RERE: variants seen among roughly 807,000 people sequenced by gnomAD.
RERE encodes arginine-glutamic acid dipeptide repeats protein.
RERE carries 40 observed loss-of-function variants against 146.1 expected under a neutral mutation model. That is an observed-to-expected ratio of 0.27 (90% CI 0.21 to 0.36). RERE has a LOEUF of 0.36. RERE is among the 10% of genes least tolerant of loss of function. The pLI, the probability that RERE is intolerant of heterozygous loss-of-function variation, is 1.00. For missense variants in RERE, 1,933 were observed against 2,138.7 expected (o/e 0.90, Z 1.90); for synonymous variants, 1,003 against 866.0 (o/e 1.16, Z -2.78).
At chr1:8,582,938 T>C (rs888983310) in intron 4 of RERE, among the ~76,000 whole-genome samples, 1 of 152,180 alleles carries the variant, frequency 6.6e-6, no homozygotes, top group Non-Finnish European at 1.5e-5. Flanking sequence ...AAAACTTACA[T>C]GCTTGTACCT....
At chr1:8,397,346 G>A (rs912857459) in intron 12 of RERE, among the ~76,000 whole-genome samples, 6 of 152,236 alleles carry the variant, frequency 3.9e-5, no homozygotes, top group African/African-American at 1.4e-4. Flanking sequence ...TGCCTTATTC[G>A]ACTTTCACTA....
intron 1 of RERE, among the ~76,000 whole-genome samples, chr1:8,657,696 A>T (rs1247144438): frequency 6.6e-6 from 1 of 151,984 alleles, no homozygotes; most frequent in Admixed American, 6.6e-5. Flanking sequence ...AACACACAAA[A>T]AGTAGCTGGG....
At chr1:8,762,560 C>T (rs891997011) in intron 1 of RERE, among the ~76,000 whole-genome samples, 2 of 151,904 alleles carry the variant, frequency 1.3e-5, no homozygotes, top group Admixed American at 1.3e-4. Context: ...TATTTGAAGA[C>T]AAAAAAAGTA....
chr1:8,561,733 AT>A (rs1430568698), intron 4 of RERE, among the ~76,000 whole-genome samples: 2 of 152,248 alleles, frequency 1.3e-5, no homozygotes, highest in African/African-American at 4.8e-5. Context: ...GGCCACTGCT[AT>A]AATACTGAGG....
At chr1:8,669,024 C>CTGTGTGTGTGTGTGTGTGTGTGTG (rs59647434) in intron 1 of RERE, among the ~76,000 whole-genome samples, 8 of 43,840 alleles carry the variant, frequency 1.8e-4, no homozygotes, top group African/African-American at 2.7e-4. Context: ...GCACTCAACT[C>CTGTGTGTGTGTGTGTGTGTGTGTG]TGTGTGTGTG....
chr1:8,502,648 C>T (rs983818779), intron 8 of RERE, among the ~76,000 whole-genome samples: 2 of 149,236 alleles, frequency 1.3e-5, no homozygotes, highest in South Asian at 2.1e-4. Flanking sequence ...AATAGAAAGG[C>T]GGGAAGGGTG....
chr1:8,744,040 T>C (rs531844687), intron 1 of RERE, among the ~76,000 whole-genome samples: 2 of 152,260 alleles, frequency 1.3e-5, no homozygotes, highest in East Asian at 1.9e-4. Context: ...TAAATAGTGG[T>C]TGAATGAAAG....
In RERE at chr1:8,494,516, G is replaced by A. The variant is rs186761349; in HGVS notation, c.1104+547C>T. 6.0e-4 allele frequency among the ~76,000 whole-genome samples: 92 copies of A among 152,262 alleles called. 1 individual carries two copies. Among genetic ancestry groups the A allele is most frequent in the Admixed American group, 5.7e-3 (87 of 15,278 alleles). ...TCGAGGTGGGAGGATCACAAGGTCAGGAGATTGAGATCATCCTGGCTAACA... is the reference window on the plus strand; with the variant it reads ...TCGAGGTGGGAGGATCACAAGGTCAAGAGATTGAGATCATCCTGGCTAACA... On this transcript the variant is annotated intron_variant, in intron 10 of 22. Coordinates refer to ENST00000400908, the MANE Select transcript of RERE (RefSeq NM_001042681.2).
chr1:8,774,855 T>G (rs1641029624), intron 1 of RERE, among the ~76,000 whole-genome samples: 1 of 151,974 alleles, frequency 6.6e-6, no homozygotes, highest in Non-Finnish European at 1.5e-5. Context: ...CCTCATCTGC[T>G]TTTCCTTAAA....
intron 1 of RERE, among the ~76,000 whole-genome samples, chr1:8,765,039 A>G (rs1408873798): frequency 6.6e-6 from 1 of 152,244 alleles, no homozygotes; most frequent in Non-Finnish European, 1.5e-5. Context: ...ATCCTCACAG[A>G]AGTTTGTACA....
chr1:8,795,028 CTG>C (rs1641441569), intron 1 of RERE, among the ~76,000 whole-genome samples: 1 of 151,998 alleles, frequency 6.6e-6, no homozygotes, highest in Non-Finnish European at 1.5e-5. Context: ...GTTACCCAGA[CTG>C]TCTTTTATTC....
chr1:8,521,784 TC>T (rs1254250576), intron 7 of RERE, among the ~76,000 whole-genome samples: 18 of 152,204 alleles, frequency 1.2e-4, no homozygotes. Flanking sequence ...ATCTAGCCTT[TC>T]CTCTTACCAC....
At chr1:8,416,446 C>T (rs1444344885) in intron 12 of RERE, among the ~76,000 whole-genome samples, 2 of 151,818 alleles carry the variant, frequency 1.3e-5, no homozygotes, top group Admixed American at 1.3e-4. Flanking sequence ...ATTAGCCAGG[C>T]GTGGTGGCGG....
At chr1:8,355,999 A>G (rs769539749) in intron 21 of RERE, 101 bp downstream of exon 21, 141 of 1,294,178 alleles carry the variant, frequency 1.1e-4, no homozygotes, top group Non-Finnish European at 1.4e-4. Flanking sequence ...CCACCTGCTC[A>G]ATGCATGAAT....
chr1:8,422,667 G>A, intron 12 of RERE, 60 bp downstream of exon 12: 2 of 1,220,048 alleles, frequency 1.6e-6, no homozygotes, highest in Non-Finnish European at 2.4e-6. Flanking sequence ...GATCAAATGT[G>A]GAGAGGCAGC....
chr1:8,706,108 G>A (rs1218129565), intron 1 of RERE, among the ~76,000 whole-genome samples: 5 of 81,594 alleles, frequency 6.1e-5, no homozygotes, highest in Middle Eastern at 0.01. Context: ...GCAAGACTCC[G>A]TCTCCAAAAA....
chr1:8,521,206 G>A (rs1156238082), intron 7 of RERE, among the ~76,000 whole-genome samples: 1 of 135,730 alleles, frequency 7.4e-6, no homozygotes, highest in Non-Finnish European at 1.6e-5. Flanking sequence ...ACTCCAAGAT[G>A]TATAAAGAAA....
rs77138435 is a variant in RERE, at chr1:8,385,114, T to C, written c.1285-19140A>G. Among the ~76,000 whole-genome samples the C allele has an allele frequency of 7.1e-3, 1,083 of 152,360 alleles. 13 individuals are homozygous for C. The highest frequency in any genetic ancestry group is 0.025 in the African/African-American group (1,054 of 41,586). On this transcript the variant is annotated intron_variant, in intron 12 of 22. Transcript: ENST00000400908. ...TGAGTCAAGCATGGCCTTGGGTCTA[T>C]GCTGTTCTTTATGGGAAGCACCGAG...
intron 1 of RERE, among the ~76,000 whole-genome samples, chr1:8,666,286 G>A (rs1471730355): frequency 1.3e-5 from 2 of 152,122 alleles, no homozygotes; most frequent in South Asian, 2.1e-4. Flanking sequence ...GTAAGGAACC[G>A]AGGTACCTCA....
Sources: gnomAD v4.1 joint callset for allele counts (sites outside exome capture counted in the v4.1 genomes callset) on GRCh38, gnomAD v4.1.1 for gene constraint, MANE v1.5 for transcripts, NCBI Gene and HGNC (gene_info 2026-07-23, HGNC 2026-07-21) for gene names.